Variants in ENTPD1 observed in about 807,000 individuals in gnomAD.
The protein encoded by ENTPD1 is ectonucleoside triphosphate diphosphohydrolase 1, also known as ATP diphosphohydrolase.
ENTPD1 carries 33 observed loss-of-function variants against 57.0 expected under a neutral mutation model. That is an observed-to-expected ratio of 0.58 (90% CI 0.44 to 0.77). The LOEUF is 0.77. Among genes scored for constraint, ENTPD1 ranks in the 30% least tolerant of loss-of-function variants. The pLI is 0.00. For missense variants in ENTPD1, 501 were observed against 603.4 expected (o/e 0.83, Z 1.78); for synonymous variants, 202 against 218.8 (o/e 0.92, Z 0.68).
intron 1 of ENTPD1, among the ~76,000 whole-genome samples, chr10:95,730,160 CTGAGTA>C: frequency 6.6e-6 from 1 of 152,232 alleles, no homozygotes; most frequent in East Asian, 1.9e-4. Flanking sequence ...CCTCAGCCTC[CTGAGTA>C]GCTGGGACTG....
At chr10:95,850,834 T>C (rs1026352745) in intron 7 of ENTPD1, among the ~76,000 whole-genome samples, 1 of 152,234 alleles carries the variant, frequency 6.6e-6, no homozygotes, top group Non-Finnish European at 1.5e-5. Context: ...GAAATCCAGT[T>C]TCATTCCCAT....
intron 1 of ENTPD1, among the ~76,000 whole-genome samples, chr10:95,737,698 A>G (rs1420579616): frequency 2.0e-5 from 3 of 152,062 alleles, no homozygotes; most frequent in Admixed American, 6.6e-5. Flanking sequence ...AAAAATTAAA[A>G]CTTTTCCCCA....
intron 1 of ENTPD1, among the ~76,000 whole-genome samples, chr10:95,740,421 G>C (rs926561214): frequency 1.3e-5 from 2 of 152,166 alleles, no homozygotes; most frequent in Non-Finnish European, 2.9e-5. Context: ...CACTGCACCC[G>C]GCCCATTTAA....
intron 7 of ENTPD1, among the ~76,000 whole-genome samples, chr10:95,858,082 C>T (rs2098458497): frequency 6.6e-6 from 1 of 151,004 alleles, no homozygotes; most frequent in Non-Finnish European, 1.5e-5. Flanking sequence ...GGCGTGAACC[C>T]GGACGCAGAG....
At position 95,872,501 on chromosome 10, in the gene ENTPD1, T is replaced by C; in HGVS notation, c.*6118T>C. 1.0e-6 allele frequency: 1 copy of C among 984,890 alleles called. No homozygotes were observed. The highest frequency in any genetic ancestry group is 1.2e-6 in the Non-Finnish European group (1 of 829,408). 61.0% of individuals were successfully genotyped at this position (984,890 alleles called of 1,614,324 possible). A position where few individuals can be genotyped will look rare whatever the true frequency, so the allele number is the denominator to read the frequency against. On this transcript the variant is annotated 3_prime_UTR_variant, in exon 10 of 10. Transcript: ENST00000371205. ...AGCTCATTTCAAATGCCCCTTCATTTGTGAAGCCTTCTCCAAATTTCCAAG... is the reference window on the plus strand; with the variant it reads ...AGCTCATTTCAAATGCCCCTTCATTCGTGAAGCCTTCTCCAAATTTCCAAG...
At chr10:95,864,469 T>C (rs1325947109) in intron 8 of ENTPD1, among the ~76,000 whole-genome samples, 1 of 152,190 alleles carries the variant, frequency 6.6e-6, no homozygotes, top group Non-Finnish European at 1.5e-5. Context: ...CAGGAACTAC[T>C]TTTTTCCTGG....
intron 4 of ENTPD1, 139 bp from the exon 5 acceptor site, chr10:95,844,337 G>A (rs188810177): frequency 3.3e-5 from 40 of 1,202,098 alleles, no homozygotes; most frequent in Admixed American, 2.9e-4. Flanking sequence ...AGCTATGTGC[G>A]AAGATCCCCA....
chr10:95,745,939 A>G (rs1473227031), intron 1 of ENTPD1, among the ~76,000 whole-genome samples: 2 of 152,194 alleles, frequency 1.3e-5, no homozygotes, highest in Non-Finnish European at 2.9e-5. Context: ...TGGAAATAGG[A>G]AGACATGGGT....
intron 1 of ENTPD1, among the ~76,000 whole-genome samples, chr10:95,743,252 T>C (rs2098002325): frequency 6.6e-6 from 1 of 152,200 alleles, no homozygotes; most frequent in South Asian, 2.1e-4. Context: ...TAGGCTCGAG[T>C]TATGCACTTT....
chr10:95,818,115 A>G (rs1158955923), intron 1 of ENTPD1, among the ~76,000 whole-genome samples: 1 of 152,202 alleles, frequency 6.6e-6, no homozygotes, highest in East Asian at 1.9e-4. Flanking sequence ...TTGATTTTGA[A>G]GGAGACAAAA....
intron 2 of ENTPD1, among the ~76,000 whole-genome samples, chr10:95,828,323 G>A (rs927626634): frequency 5.3e-5 from 8 of 152,112 alleles, no homozygotes; most frequent in Non-Finnish European, 1.0e-4. Context: ...CGTTACCCCC[G>A]TATGGGACTG....
intron 1 of ENTPD1, among the ~76,000 whole-genome samples, chr10:95,740,629 A>T (rs1423001178): frequency 6.6e-6 from 1 of 152,212 alleles, no homozygotes; most frequent in Non-Finnish European, 1.5e-5. Context: ...GTGGCATCCA[A>T]GATGGCATCT....
chr10:95,814,718 A>C (rs2098323879), intron 1 of ENTPD1, among the ~76,000 whole-genome samples: 1 of 152,238 alleles, frequency 6.6e-6, no homozygotes, highest in South Asian at 2.1e-4. Context: ...TGGCTAATTA[A>C]AAGTTCAAAG....
chr10:95,864,263 G>A (rs909212043), intron 8 of ENTPD1, among the ~76,000 whole-genome samples: 2 of 152,160 alleles, frequency 1.3e-5, no homozygotes, highest in African/African-American at 4.8e-5. Context: ...TTCTGAATTG[G>A]TAGTTTTAAG....
intron 1 of ENTPD1, among the ~76,000 whole-genome samples, chr10:95,722,431 T>G (rs1162783896): frequency 6.6e-6 from 1 of 152,066 alleles, no homozygotes; most frequent in Non-Finnish European, 1.5e-5. Flanking sequence ...ATTAAGAAAA[T>G]GTGGCACATA....
chr10:95,772,828 A>G (rs1471433234), intron 1 of ENTPD1, among the ~76,000 whole-genome samples: 1 of 152,252 alleles, frequency 6.6e-6, no homozygotes, highest in Non-Finnish European at 1.5e-5. Flanking sequence ...TATGATAGCT[A>G]TAGCCTTATT....
At chr10:95,819,187 A>G (rs2098340048) in intron 1 of ENTPD1, among the ~76,000 whole-genome samples, 1 of 152,172 alleles carries the variant, frequency 6.6e-6, no homozygotes, top group African/African-American at 2.4e-5. Flanking sequence ...TTTTGGAGAC[A>G]GGGTCTCACT....
chr10:95,864,653 A>G lies in ENTPD1; in HGVS notation c.1189-71A>G, dbSNP rs544880561. ...GCTTTCCCCTCTCTTCATCAGGGCT[A>G]GTAGAGAAAAAGAGGGCCACAGAGA... On this transcript the variant is annotated intron_variant, in intron 8 of 9. Transcript: ENST00000371205. 22 of 1,588,774 alleles carry G rather than the reference A, an allele frequency of 1.4e-5. No homozygotes were observed. In the South Asian group the frequency reaches 2.1e-4, roughly 15 times the overall value.
At chr10:95,712,997 G>A (rs2097967449) in intron 1 of ENTPD1, among the ~76,000 whole-genome samples, 1 of 149,872 alleles carries the variant, frequency 6.7e-6, no homozygotes, top group Non-Finnish European at 1.5e-5. Context: ...TTGCGCCGCT[G>A]CACTCCAGAC....
Sources: allele counts gnomAD v4.1 joint callset (sites outside exome capture counted in the v4.1 genomes callset), GRCh38; gene constraint gnomAD v4.1.1; transcripts MANE v1.5; gene names NCBI Gene and HGNC (gene_info 2026-07-23, HGNC 2026-07-21).